PRKDC: variants seen among roughly 807,000 people sequenced by gnomAD.
PRKDC encodes protein kinase, DNA-activated, catalytic subunit.
PRKDC carries 82 observed loss-of-function variants against 486.9 expected under a neutral mutation model. The observed-to-expected ratio is 0.17, with a 90% CI of 0.14 to 0.20. The LOEUF (loss-of-function observed/expected upper bound fraction) is 0.20. Ranked by LOEUF, PRKDC falls within the 10% of genes least tolerant of loss-of-function variation. PRKDC has a pLI of 1.00. For synonymous variants in PRKDC, 1,895 were observed against 1,837.0 expected (o/e 1.03, Z -0.81); for missense variants, 4,504 against 5,038.2 (o/e 0.89, Z 3.21).
At chr8:47,850,790 G>A (rs1055636480) in intron 52 of PRKDC, among the ~76,000 whole-genome samples, 1 of 152,192 alleles carries the variant, frequency 6.6e-6, no homozygotes, top group Non-Finnish European at 1.5e-5. Context: ...CGTGGGAAGA[G>A]TGCGAGCCTC....
intron 60 of PRKDC, 79 bp downstream of exon 60, chr8:47,831,735 G>T: frequency 6.8e-7 from 1 of 1,461,218 alleles, no homozygotes; most frequent in Non-Finnish European, 9.6e-7. Context: ...GCAGTGTCTG[G>T]CAGGAAGCCT....
At chr8:47,809,538 A>G (rs2087286120) in intron 68 of PRKDC, among the ~76,000 whole-genome samples, 1 of 152,194 alleles carries the variant, frequency 6.6e-6, no homozygotes, top group African/African-American at 2.4e-5. Flanking sequence ...ATGCAATTTT[A>G]GGAGTGGAGT....
rs1266497220 is a variant in PRKDC, at chr8:47,783,781, C to G, written c.11136G>C (p.Leu3712Phe). The stretch of plus-strand genomic sequence containing the variant: ...CGGCGATTCGCACGTGGTACTCTGG[C>G]AATGGCTTTCCCCTACCGTCATACT... ...PGQYDGRGKP[L>F]PEYHVRIAGF... The change falls in exon 78 of 86, where the codon TTG becomes TTC. Residue 3712 changes from leucine to phenylalanine, a missense_variant. Transcript: ENST00000314191. 1 of 1,613,952 alleles carries G rather than the reference C, an allele frequency of 6.2e-7. No homozygotes were observed. Among genetic ancestry groups the G allele is most frequent in the Non-Finnish European group, 8.5e-7 (1 of 1,179,892 alleles).
chr8:47,780,731 A>G (rs1014896135), intron 80 of PRKDC, among the ~76,000 whole-genome samples: 2 of 152,166 alleles, frequency 1.3e-5, no homozygotes, highest in Non-Finnish European at 2.9e-5. Context: ...CGAGGTCAAG[A>G]GATCAAGATC....
intron 74 of PRKDC, among the ~76,000 whole-genome samples, chr8:47,793,623 T>C (rs1463061771): frequency 7.6e-6 from 1 of 131,558 alleles, no homozygotes; most frequent in Non-Finnish European, 1.6e-5. Flanking sequence ...CAATACTCTG[T>C]CTCAAAAAAA....
chr8:47,819,486 A>G lies in PRKDC; in HGVS notation c.9361T>C (p.Leu3121=). ...AATTTGGTGAGTCTACTTTGGTGTAAGAGGACATCAATACTAGAATAATTC... is the reference window on the plus strand; with the variant it reads ...AATTTGGTGAGTCTACTTTGGTGTAGGAGGACATCAATACTAGAATAATTC... ...MQNYSSIDVL[L]HQSRLTKLQS... The change falls in exon 67 of 86, where the codon TTA becomes CTA. Residue 3121 remains leucine (L), a synonymous_variant. Coordinates refer to ENST00000314191, the MANE Select transcript of PRKDC (RefSeq NM_006904.7). 6.7e-7 allele frequency: 1 copy of G among 1,495,926 alleles called. No homozygotes were observed. Among genetic ancestry groups the G allele is most frequent in the South Asian group, 1.3e-5 (1 of 75,722 alleles). The allele number at this position is 1,495,926 out of a possible 1,614,324, so 92.7% of individuals were successfully genotyped here. A position where few individuals can be genotyped will look rare whatever the true frequency, so the allele number is the denominator to read the frequency against.
chr8:47,780,615 C>T (rs1170188338), intron 80 of PRKDC, among the ~76,000 whole-genome samples: 1 of 152,192 alleles, frequency 6.6e-6, no homozygotes, highest in East Asian at 1.9e-4. Context: ...TTCTCTCCTC[C>T]TAGTTTAAAC....
At chr8:47,853,599 G>C (rs2088466094) in intron 51 of PRKDC, among the ~76,000 whole-genome samples, 1 of 152,174 alleles carries the variant, frequency 6.6e-6, no homozygotes, top group South Asian at 2.1e-4. Context: ...GTGCAGCCCA[G>C]CGTCTACCAG....
chr8:47,803,310 C>T lies in PRKDC; in HGVS notation c.9918G>A (p.Leu3306=), dbSNP rs1167512605. 6.2e-7 allele frequency: 1 copy of T among 1,606,718 alleles called. No homozygotes were observed. Among genetic ancestry groups the T allele is most frequent in the South Asian group, 1.1e-5 (1 of 90,106 alleles). Residue 3306 remains leucine (L), a synonymous_variant, in exon 70 of 86, where the codon TTG becomes TTA. Transcript: ENST00000314191. ...QVLTVLKTVS[L]LDENNVSSYL... is the part of the protein sequence containing the mutation. ...GGATAAAAGCGGTCAACTTACCCAA[C>T]AAAGAGACTGTTTTCAGCACAGTGA...
chr8:47,852,703 A>G lies in PRKDC; in HGVS notation c.6975T>C (p.Leu2325=), dbSNP rs1422368624. 2.5e-6 allele frequency: 4 copies of G among 1,577,110 alleles called. No homozygotes were observed. The highest frequency in any genetic ancestry group is 2.7e-5 in the African/African-American group (2 of 74,396). ...TTCTCTCCATAACATATCGAAGTAT[A>G]AGTCCTAGAACTTCTGCTGCAGCGG... ...VYAAAAEVLG[L]ILRYVMERKN... The change falls in exon 52 of 86, where the codon CTT becomes CTC. Residue 2325 remains leucine, a synonymous_variant. Transcript: ENST00000314191.
chr8:47,919,444 A>C (rs1406949538), intron 21 of PRKDC, among the ~76,000 whole-genome samples: 1 of 152,120 alleles, frequency 6.6e-6, no homozygotes, highest in Non-Finnish European at 1.5e-5. Context: ...ACACATGTTC[A>C]TTTTTTCTCT....
chr8:47,774,130 T>A lies in PRKDC; in HGVS notation c.*43A>T, dbSNP rs920557161. ...CTGCCAACCAAAGTATAGTAGATTC[T>A]TTAAACAATGTAATGCTTTCTATCT... On this transcript the variant is annotated 3_prime_UTR_variant, in exon 86 of 86. Coordinates refer to ENST00000314191, the MANE Select transcript of PRKDC (RefSeq NM_006904.7). 1.8e-5 allele frequency: 27 copies of A among 1,524,034 alleles called. No individual in the cohort carries two copies. Among genetic ancestry groups the A allele is most frequent in the Non-Finnish European group, 2.3e-5 (26 of 1,132,670 alleles). The allele number at this position is 1,524,034 out of a possible 1,614,324, so 94.4% of individuals were successfully genotyped here.
intron 63 of PRKDC, among the ~76,000 whole-genome samples, chr8:47,825,425 C>T (rs7014911): frequency 0.025 from 3,457 of 139,536 alleles, 131 homozygotes; most frequent in African/African-American, 0.085. Context: ...AGGAGAATCG[C>T]TTGAACCCGG....
intron 54 of PRKDC, among the ~76,000 whole-genome samples, chr8:47,845,932 C>T (rs139995722): frequency 7.9e-5 from 12 of 152,258 alleles, no homozygotes; most frequent in East Asian, 1.9e-4. Context: ...AAATCCTCAA[C>T]GAAATACTAG....
chr8:47,835,705 G>A (rs2088005412), intron 58 of PRKDC, among the ~76,000 whole-genome samples: 1 of 149,344 alleles, frequency 6.7e-6, no homozygotes, highest in Admixed American at 6.7e-5. Flanking sequence ...CAGTTCAATG[G>A]CATTAAGGAC....
Position 47,828,264 on chromosome 8 carries a change from A to C in PRKDC, c.8481T>G (p.Ser2827=). 1 of 1,613,366 alleles carries C rather than the reference A, an allele frequency of 6.2e-7. No individual in the cohort carries two copies. Among genetic ancestry groups the C allele is most frequent in the East Asian group, 2.2e-5 (1 of 44,858 alleles). The part of the protein sequence containing the change: ...LKEMDKFKTL[S]EKNNITQKLL... ...ACTTTTGAGTGATGTTGTTTTTTTC[A>C]GACAGTGTCTTAAATTTATCCATCT... The change falls in exon 62 of 86, where the codon TCT becomes TCG. Residue 2827 remains serine, a synonymous_variant. Coordinates refer to ENST00000314191, the MANE Select transcript of PRKDC (RefSeq NM_006904.7).
intron 33 of PRKDC, 63 bp from the exon 34 acceptor site, chr8:47,888,713 C>T: frequency 6.8e-7 from 1 of 1,475,388 alleles, no homozygotes; most frequent in Non-Finnish European, 9.0e-7. Context: ...TCAAGATACA[C>T]TGAAAAAAAT....
Position 47,819,510 on chromosome 8 carries a change from T to C in PRKDC, c.9337A>G (p.Asn3113Asp). 9.1e-7 allele frequency: 1 copy of C among 1,093,912 alleles called. No homozygotes were observed. Among genetic ancestry groups the C allele is most frequent in the Non-Finnish European group, 1.2e-6 (1 of 816,652 alleles). 67.8% of individuals were successfully genotyped at this position (1,093,912 alleles called of 1,614,324 possible). A position where few individuals can be genotyped will look rare whatever the true frequency, so the allele number is the denominator to read the frequency against. Residue 3113 changes from asparagine to aspartate, a missense_variant and splice_region_variant, in exon 67 of 86, where the codon AAT (asparagine) becomes GAT (aspartate). By Grantham distance (23) the Asn-to-Asp change is conservative. Around this residue, in one of 6 missense-constraint regions of PRKDC, gnomAD observed 1,592 missense variants for 1,724.6 expected, o/e 0.92. Transcript: ENST00000314191. Reference protein sequence around the residue: ...IQNGIQSFMQNYSSIDVLLHQ... With the variant: ...IQNGIQSFMQDYSSIDVLLHQ... ...AAGAGGACATCAATACTAGAATAAT[T>C]CTTAAAAAAAAAAAAAAAAAAAAAG...
At chr8:47,807,720 CTTA>C (rs1436247264) in intron 68 of PRKDC, among the ~76,000 whole-genome samples, 9 of 145,348 alleles carry the variant, frequency 6.2e-5, no homozygotes, top group Middle Eastern at 4.3e-3. Context: ...ACCCGGCCTA[CTTA>C]TTTTTTTTTT....
Sources: gnomAD v4.1 joint callset for allele counts (sites outside exome capture counted in the v4.1 genomes callset) on GRCh38, gnomAD v4.1.1 for gene constraint, gnomAD v4.1.1 regional missense constraint, MANE v1.5 for transcripts, NCBI Gene and HGNC (gene_info 2026-07-23, HGNC 2026-07-21) for gene names.